Variants in TMEM184B observed in about 807,000 individuals in gnomAD.
The protein encoded by TMEM184B is putative MAPK-activating protein FM08.
Under a neutral mutation model 41.8 loss-of-function variants are expected in TMEM184B, and 17 were observed. The observed-to-expected ratio is 0.41, with a 90% confidence interval of 0.28 to 0.61. The LOEUF is 0.61. Ranked by LOEUF, TMEM184B falls within the 20% of genes least tolerant of loss-of-function variation. The pLI, the probability that TMEM184B is intolerant of heterozygous loss-of-function variation, is 0.34. For synonymous variants in TMEM184B, 240 were observed against 229.5 expected (o/e 1.05, Z -0.41); for missense variants, 393 against 557.8 (o/e 0.70, Z 2.98).
chr22:38,224,699 T>C (rs904912088), intron 8 of TMEM184B, 86 bp downstream of exon 8: 1 of 1,371,410 alleles, frequency 7.3e-7, no homozygotes. Flanking sequence ...GCCGCACCTG[T>C]AGGATGCTGG....
intron 1 of TMEM184B, among the ~76,000 whole-genome samples, chr22:38,268,835 G>A (rs1262798820): frequency 6.6e-6 from 1 of 152,248 alleles, no homozygotes; most frequent in African/African-American, 2.4e-5. Context: ...CTCCCCAGCT[G>A]CACTCGGCTC....
chr22:38,246,449 C>T (rs2092032330), intron 2 of TMEM184B: 3 of 295,744 alleles, frequency 1.0e-5, no homozygotes, highest in Admixed American at 8.4e-5. Flanking sequence ...ACCTCACGCA[C>T]TGGCAGCTCT....
In TMEM184B at chr22:38,247,856, C is replaced by T. The variant is rs913699543; in HGVS notation, c.106G>A (p.Glu36Lys). ...GTTGTCATCAGGAACACAGGCTGCT[C>T]CATGGCAGTGGGGCTGCCCTCGGGG... is the stretch of plus-strand genomic sequence containing the variant. ...VIPEGSPTAM[E>K]QPVFLMTTAA... The change falls in exon 2 of 9, where the codon GAG (glutamate) becomes AAG (lysine). Residue 36 changes from glutamate to lysine, a missense_variant. Glu to Lys is a moderately conservative substitution (Grantham distance 56, BLOSUM62 1). Coordinates refer to ENST00000361906, the MANE Select transcript of TMEM184B (RefSeq NM_012264.5). 1 of 1,613,634 alleles carries T rather than the reference C, an allele frequency of 6.2e-7. No homozygotes were observed. Among genetic ancestry groups the T allele is most frequent in the Non-Finnish European group, 8.5e-7 (1 of 1,179,914 alleles).
At chr22:38,232,736 G>C (rs1169033514) in intron 3 of TMEM184B, among the ~76,000 whole-genome samples, 2 of 152,102 alleles carry the variant, frequency 1.3e-5, no homozygotes, top group Non-Finnish European at 2.9e-5. Flanking sequence ...TCTTTCAATG[G>C]GTGACCTGGT....
intron 3 of TMEM184B, among the ~76,000 whole-genome samples, chr22:38,237,154 C>G (rs1432303194): frequency 6.6e-6 from 1 of 152,178 alleles, no homozygotes; most frequent in Non-Finnish European, 1.5e-5. Context: ...TTGTAAGGCT[C>G]TACATGTTCA....
intron 1 of TMEM184B, among the ~76,000 whole-genome samples, chr22:38,259,098 G>C (rs971511568): frequency 6.6e-6 from 1 of 152,130 alleles, no homozygotes; most frequent in African/African-American, 2.4e-5. Flanking sequence ...CCCCATCAGA[G>C]ACATCCTTTC....
intron 5 of TMEM184B, 107 bp downstream of exon 5, chr22:38,230,562 C>G (rs2091584199): frequency 1.7e-6 from 2 of 1,164,978 alleles, no homozygotes; most frequent in Admixed American, 2.0e-5. Flanking sequence ...CCTGGGGTGC[C>G]TCATAGGAAA....
chr22:38,224,316 G>A (rs969487322), intron 8 of TMEM184B, among the ~76,000 whole-genome samples: 6 of 152,100 alleles, frequency 3.9e-5, no homozygotes, highest in Admixed American at 6.6e-5. Context: ...GGGTTTCACC[G>A]TGTTAGCCAG....
intron 1 of TMEM184B, among the ~76,000 whole-genome samples, chr22:38,265,952 G>A (rs1052576982): frequency 6.6e-6 from 1 of 152,228 alleles, no homozygotes; most frequent in Non-Finnish European, 1.5e-5. Context: ...CTTGCCAGCA[G>A]GAGAGGCCCC....
At chr22:38,249,737 T>A (rs1030291279) in intron 1 of TMEM184B, among the ~76,000 whole-genome samples, 3 of 152,198 alleles carry the variant, frequency 2.0e-5, no homozygotes, top group Non-Finnish European at 4.4e-5. Flanking sequence ...TTTGTCATAG[T>A]GGCTCAAGAA....
At position 38,225,620 on chromosome 22, in the gene TMEM184B, TG is replaced by T; in HGVS notation, c.618-28del. On this transcript the variant is annotated intron_variant, in intron 6 of 8. Transcript: ENST00000361906. This position sits in a 1 kb window ranked among gnomAD's most constrained non-coding sequence, Gnocchi z 4.4. ...TGCGGGACGGGGAGCATTTTCTGGC[TG>T]GGACAGACCCTTGGAGGGAAGGGGC... 1.3e-6 allele frequency: 2 copies of T among 1,596,598 alleles called. No individual in the cohort carries two copies. Among genetic ancestry groups the T allele is most frequent in the Non-Finnish European group, 1.7e-6 (2 of 1,173,584 alleles).
rs2092537423 is a variant in TMEM184B at position 38,272,357 on chromosome 22, CAGT to C, written c.-59+524_-59+526del. On this transcript the variant is annotated intron_variant, in intron 1 of 8. Transcript: ENST00000361906. The stretch of plus-strand genomic sequence containing the variant: ...CAAACATCTTTCGAGCCCCAGGTCC[CAGT>C]CGATCCCCTTCCAAACCTGCGGACC... The C allele has an allele frequency of 8.9e-6, 5 of 560,988 alleles. No homozygotes were observed. In the South Asian group the frequency reaches 3.1e-4, roughly 35 times the overall value. The allele number at this position is 560,988 out of a possible 1,614,324, so 34.8% of individuals were successfully genotyped here. A position where few individuals can be genotyped will look rare whatever the true frequency, so the allele number is the denominator to read the frequency against.
At chr22:38,262,756 C>T (rs1266394591) in intron 1 of TMEM184B, among the ~76,000 whole-genome samples, 1 of 152,240 alleles carries the variant, frequency 6.6e-6, no homozygotes, top group Non-Finnish European at 1.5e-5. Flanking sequence ...CAAGCCCTCA[C>T]ACTCGGCCCC....
intron 1 of TMEM184B, among the ~76,000 whole-genome samples, chr22:38,259,838 C>T (rs796857461): frequency 5.3e-5 from 8 of 150,840 alleles, no homozygotes; most frequent in South Asian, 4.2e-4. Context: ...TGCAGTGGTG[C>T]GATCTCGGCT....
At chr22:38,232,106 C>G (rs1453917992) in intron 3 of TMEM184B, 1 of 155,892 alleles carries the variant, frequency 6.4e-6, no homozygotes, top group Non-Finnish European at 1.4e-5. Context: ...GGAGAAATTC[C>G]AAGCAGGAGT....
At chr22:38,247,270 C>T (rs2092053816) in intron 2 of TMEM184B, among the ~76,000 whole-genome samples, 1 of 152,228 alleles carries the variant, frequency 6.6e-6, no homozygotes, top group Non-Finnish European at 1.5e-5. Context: ...TTAGGCTGGA[C>T]ACGAGACTAG....
rs201164895 is a variant in TMEM184B at position 38,221,515 on chromosome 22, C to T, written c.1178G>A (p.Arg393His). 1.2e-4 allele frequency: 193 copies of T among 1,613,124 alleles called. No homozygotes were observed. Among genetic ancestry groups the T allele is most frequent in the East Asian group, 6.7e-5 (3 of 44,870 alleles). Residue 393 changes from arginine to histidine, a missense_variant, in exon 9 of 9, where the codon CGC (arginine) becomes CAC (histidine). Coordinates refer to ENST00000361906, the MANE Select transcript of TMEM184B (RefSeq NM_012264.5). ...LSRSHSLSGA[R>H]DNEKTLLLSS... ...GAGCAGGAGAGTCTTCTCGTTGTCG[C>T]GGGCGCCACTGAGGCTGTGGGAGCG... is the stretch of plus-strand genomic sequence containing the variant.
chr22:38,217,191 A>C (rs5995551), downstream of TMEM184B, among the ~76,000 whole-genome samples: 44,313 of 151,300 alleles, frequency 0.29, 6,798 homozygotes, highest in Middle Eastern at 0.39. Flanking sequence ...ACAACAACAA[A>C]AAAAAAACAT....
intron 3 of TMEM184B, among the ~76,000 whole-genome samples, chr22:38,238,981 C>A (rs1011223435): frequency 6.6e-6 from 1 of 152,196 alleles, no homozygotes; most frequent in Non-Finnish European, 1.5e-5. Context: ...TGAAATGCCA[C>A]GCAAACATTC....
Sources: allele counts gnomAD v4.1 joint callset (sites outside exome capture counted in the v4.1 genomes callset), GRCh38; gene constraint gnomAD v4.1.1; non-coding constraint Gnocchi (gnomAD v3.1); transcripts MANE v1.5; gene names NCBI Gene and HGNC (gene_info 2026-07-23, HGNC 2026-07-21).